The following GPATCH2 variants were observed in gnomAD, a reference collection of about 807,000 sequenced individuals.
The protein encoded by GPATCH2 is G patch domain-containing protein 2.
In GPATCH2, 51 loss-of-function variants were observed where a neutral mutation model predicts 58.0. The observed-to-expected ratio is 0.88, with a 90% CI of 0.70 to 1.11. The LOEUF is 1.11. Among genes scored for constraint, GPATCH2 ranks in the 50% most tolerant of loss-of-function variants. The probability of loss-of-function intolerance (pLI) is 0.00; values close to 1 mark genes in which losing one functional copy is unlikely to be tolerated. For synonymous variants in GPATCH2, 222 were observed against 218.5 expected (o/e 1.02, Z -0.14); for missense variants, 625 against 652.2 (o/e 0.96, Z 0.45).
At chr1:217,511,471 T>A (rs112779686) in intron 6 of GPATCH2, among the ~76,000 whole-genome samples, 30 of 152,308 alleles carry the variant, frequency 2.0e-4, no homozygotes, top group African/African-American at 6.7e-4. Context: ...CCTGAGGGTA[T>A]GAACACCTTA....
intron 8 of GPATCH2, among the ~76,000 whole-genome samples, chr1:217,489,192 C>T (rs1448522594): frequency 6.6e-6 from 1 of 151,720 alleles, no homozygotes; most frequent in Non-Finnish European, 1.5e-5. Flanking sequence ...CTGTTTCAGC[C>T]TTCCAAAGTG....
chr1:217,542,173 G>A (rs1399350462), intron 5 of GPATCH2, among the ~76,000 whole-genome samples: 1 of 152,166 alleles, frequency 6.6e-6, no homozygotes, highest in Non-Finnish European at 1.5e-5. Context: ...ACATCTGCTG[G>A]TTGGCTGACA....
At chr1:217,605,186 C>G (rs1442841115) in intron 5 of GPATCH2, among the ~76,000 whole-genome samples, 1 of 152,108 alleles carries the variant, frequency 6.6e-6, no homozygotes, top group Middle Eastern at 3.2e-3. Context: ...TCATGTCATC[C>G]TGGTTTTCTA....
At chr1:217,449,494 T>C (rs1176999192) in intron 8 of GPATCH2, among the ~76,000 whole-genome samples, 157 bp from the exon 9 acceptor site, 1 of 152,210 alleles carries the variant, frequency 6.6e-6, no homozygotes, top group African/African-American at 2.4e-5. Flanking sequence ...CATAATTACA[T>C]TTGTTGACAA....
chr1:217,509,077 C>T (rs1033616824), intron 6 of GPATCH2, among the ~76,000 whole-genome samples: 2 of 152,126 alleles, frequency 1.3e-5, no homozygotes, highest in African/African-American at 2.4e-5. Context: ...TGGTGGCGCA[C>T]GCCCATAATC....
At chr1:217,604,996 C>G (rs892382828) in intron 5 of GPATCH2, among the ~76,000 whole-genome samples, 3 of 151,902 alleles carry the variant, frequency 2.0e-5, no homozygotes, top group Non-Finnish European at 4.4e-5. Context: ...TGCACTCCAG[C>G]CTTGGCAACA....
intron 5 of GPATCH2, among the ~76,000 whole-genome samples, chr1:217,559,715 G>A (rs890727821): frequency 6.6e-5 from 10 of 152,184 alleles, no homozygotes; most frequent in Admixed American, 6.5e-4. Context: ...CAGCAAGTGA[G>A]CCCCAGCCCA....
intron 6 of GPATCH2, among the ~76,000 whole-genome samples, chr1:217,503,927 C>T: frequency 6.6e-6 from 1 of 152,082 alleles, no homozygotes; most frequent in East Asian, 1.9e-4. Context: ...GTTATTATTA[C>T]CATTCTGCAA....
chr1:217,521,040 C>T (rs901699520), intron 5 of GPATCH2, among the ~76,000 whole-genome samples: 1 of 152,052 alleles, frequency 6.6e-6, no homozygotes, highest in Non-Finnish European at 1.5e-5. Flanking sequence ...GAGCTGGGGT[C>T]CTGCTATGTT....
At chr1:217,484,953 A>G (rs551398289) in intron 8 of GPATCH2, among the ~76,000 whole-genome samples, 2 of 152,230 alleles carry the variant, frequency 1.3e-5, no homozygotes, top group African/African-American at 4.8e-5. Context: ...TAGGTCTGTT[A>G]TCCATGTGGG....
At chr1:217,534,169 T>C (rs566946312) in intron 5 of GPATCH2, among the ~76,000 whole-genome samples, 9 of 152,154 alleles carry the variant, frequency 5.9e-5, no homozygotes, top group Admixed American at 2.0e-4. Context: ...TGAGCCAAGA[T>C]CACGCCACTG....
chr1:217,532,879 T>C (rs533196332), intron 5 of GPATCH2, among the ~76,000 whole-genome samples: 1 of 79,040 alleles, frequency 1.3e-5, no homozygotes, highest in Non-Finnish European at 2.5e-5. Context: ...CTCTTTATCT[T>C]TTTTTTGTTT....
At chr1:217,547,560 GAC>G (rs1363506425) in intron 5 of GPATCH2, among the ~76,000 whole-genome samples, 1 of 152,088 alleles carries the variant, frequency 6.6e-6, no homozygotes, top group African/African-American at 2.4e-5. Flanking sequence ...CTATTATAAA[GAC>G]ACATGCATGC....
At chr1:217,607,101 C>A (rs1434550988) in intron 5 of GPATCH2, among the ~76,000 whole-genome samples, 1 of 152,152 alleles carries the variant, frequency 6.6e-6, no homozygotes, top group African/African-American at 2.4e-5. Flanking sequence ...AAACTAAATA[C>A]AGTCAATCTC....
At chr1:217,514,990 G>T (rs1252741081) in intron 5 of GPATCH2, 101 bp from the exon 6 acceptor site, 3 of 668,962 alleles carry the variant, frequency 4.5e-6, no homozygotes, top group Non-Finnish European at 8.2e-6. Context: ...CTCTAAAATG[G>T]AGAATACAAG....
At chr1:217,469,219 A>C (rs1287584312) in intron 8 of GPATCH2, among the ~76,000 whole-genome samples, 2 of 152,094 alleles carry the variant, frequency 1.3e-5, no homozygotes, top group African/African-American at 2.4e-5. Context: ...CTAATTAGTA[A>C]TTTAAGCATA....
intron 5 of GPATCH2, among the ~76,000 whole-genome samples, chr1:217,564,729 C>A (rs529084790): frequency 1.2e-4 from 19 of 152,256 alleles, no homozygotes; most frequent in African/African-American, 4.3e-4. Flanking sequence ...CTGCTTCTTT[C>A]ATTAAGAAAA....
Position 217,514,863 on chromosome 1 carries a change from G to T in GPATCH2, c.1125C>A (p.Asn375Lys). 6.5e-7 allele frequency: 1 copy of T among 1,534,276 alleles called. No homozygotes were observed. Among genetic ancestry groups the T allele is most frequent in the Non-Finnish European group, 9.0e-7 (1 of 1,107,462 alleles). The change falls in exon 6 of 10, where the codon AAC (asparagine) becomes AAA (lysine). Residue 375 changes from asparagine (N) to lysine (K), a missense_variant. Coordinates refer to ENST00000366935, the MANE Select transcript of GPATCH2 (RefSeq NM_018040.5). The part of the protein sequence containing the change: ...SMVPIPGPVG[N>K]KRMVHFSPDS... ...CCGGGGAAAAATGAACCATTCTCTTGTTACCCACTGGGCCAGGAATGGGTA... is the reference window on the plus strand; with the variant it reads ...CCGGGGAAAAATGAACCATTCTCTTTTTACCCACTGGGCCAGGAATGGGTA...
At chr1:217,524,240 G>A (rs1440274493) in intron 5 of GPATCH2, among the ~76,000 whole-genome samples, 1 of 66,644 alleles carries the variant, frequency 1.5e-5, no homozygotes, top group Non-Finnish European at 4.3e-5. Context: ...GCCAGGCAGA[G>A]GGTCTCCTCA....
Sources: allele counts gnomAD v4.1 joint callset (sites outside exome capture counted in the v4.1 genomes callset), GRCh38; gene constraint gnomAD v4.1.1; transcripts MANE v1.5; gene names NCBI Gene and HGNC (gene_info 2026-07-23, HGNC 2026-07-21).